The following NFASC variants were observed in gnomAD, a reference collection of about 807,000 sequenced individuals.
The protein encoded by NFASC is neurofascin.
In NFASC, 43 loss-of-function variants were observed where a neutral mutation model predicts 147.5. The observed-to-expected ratio is 0.29, with a 90% CI of 0.23 to 0.38. The LOEUF (loss-of-function observed/expected upper bound fraction) is 0.38. NFASC is among the 10% of genes least tolerant of loss of function. The pLI is 1.00. For missense variants in NFASC, 1,320 were observed against 1,689.0 expected (o/e 0.78, Z 3.83); for synonymous variants, 622 against 665.5 (o/e 0.93, Z 1.01).
At chr1:204,961,108 C>T (rs1308643714) in intron 8 of NFASC, among the ~76,000 whole-genome samples, 4 of 152,146 alleles carry the variant, frequency 2.6e-5, no homozygotes, top group Non-Finnish European at 4.4e-5. Flanking sequence ...TTAGTACTGT[C>T]ACAATTTGAA....
chr1:204,849,663 C>A (rs1394020555), intron 1 of NFASC, among the ~76,000 whole-genome samples: 3 of 152,196 alleles, frequency 2.0e-5, no homozygotes, highest in Non-Finnish European at 2.9e-5. Flanking sequence ...GAGCTAGAAC[C>A]AAACCCAGGT....
rs6657372 is a variant in NFASC at position 204,976,806 on chromosome 1, A to G, written c.1831+11A>G. 160,110 of 1,611,780 alleles carry G rather than the reference A, an allele frequency of 0.099. 9,015 individuals are homozygous for G. The highest frequency in any genetic ancestry group is 0.22 in the African/African-American group (16,315 of 74,928). ...ACCTCACCGTGCTAGGTAACTGCCC[A>G]TGCTCACCCTGGCACTGACCAGCCC... On this transcript the variant is annotated intron_variant, in intron 16 of 29. Transcript: ENST00000339876.
chr1:204,984,343 GTGTA>G, intron 21 of NFASC: 1 of 327,494 alleles, frequency 3.1e-6, no homozygotes. Flanking sequence ...GTGTGTGTGT[GTGTA>G]TATATATATA....
At chr1:204,854,936 A>C (rs991108296) in intron 1 of NFASC, among the ~76,000 whole-genome samples, 1 of 152,260 alleles carries the variant, frequency 6.6e-6, no homozygotes, top group Non-Finnish European at 1.5e-5. Flanking sequence ...CTCATCACGC[A>C]GTGATTGAGT....
Position 204,870,543 on chromosome 1 carries a change from C to G in NFASC, c.-200+41761C>G, listed in dbSNP as rs1419754394. The G allele has an allele frequency of 1.1e-5, 4 of 368,646 alleles. No homozygotes were observed. The East Asian group carries it at 6.3e-4, about 58-fold the overall frequency. The allele number at this position is 368,646 out of a possible 1,614,324, so 22.8% of individuals were successfully genotyped here. A position where few individuals can be genotyped will look rare whatever the true frequency, so the allele number is the denominator to read the frequency against. ...TCTTAACAGGGGGGTCTGCTCCCCA[C>G]CCCACCCCCGCCTTGGGGAGCCTGG... On this transcript the variant is annotated intron_variant, in intron 1 of 29. Transcript: ENST00000339876.
intron 2 of NFASC, among the ~76,000 whole-genome samples, chr1:204,933,393 A>C (rs1176319944): frequency 6.6e-6 from 1 of 152,144 alleles, no homozygotes; most frequent in Non-Finnish European, 1.5e-5. Context: ...TGTAAGGGCA[A>C]TTCCCAGGTG....
chr1:204,955,034 C>A, intron 7 of NFASC, 83 bp downstream of exon 7: 1 of 1,540,982 alleles, frequency 6.5e-7, no homozygotes, highest in Non-Finnish European at 8.9e-7. Context: ...GGGGCTTGCC[C>A]AAGCTAGAAG....
chr1:204,845,461 A>AT (rs1228954438), intron 1 of NFASC, among the ~76,000 whole-genome samples: 192 of 152,156 alleles, frequency 1.3e-3, no homozygotes, highest in African/African-American at 4.5e-3. Flanking sequence ...CCATCTCAAA[A>AT]AAATAATAAT....
intron 26 of NFASC, among the ~76,000 whole-genome samples, chr1:205,001,898 G>C (rs2095996146): frequency 6.6e-6 from 1 of 152,148 alleles, no homozygotes; most frequent in African/African-American, 2.4e-5. Flanking sequence ...TTCAGTATGT[G>C]CTCTAAGCAA....
chr1:204,913,096 C>T (rs539920831), intron 1 of NFASC, among the ~76,000 whole-genome samples: 1 of 151,864 alleles, frequency 6.6e-6, no homozygotes, highest in Non-Finnish European at 1.5e-5. Context: ...AATTAGTATG[C>T]AATAATTATT....
At chr1:204,850,789 C>A (rs7515134) in intron 1 of NFASC, among the ~76,000 whole-genome samples, 25,729 of 152,136 alleles carry the variant, frequency 0.17, 3,066 homozygotes, top group East Asian at 0.52. Flanking sequence ...TCATAAATCA[C>A]CTAGTCTCAG....
At position 204,942,616 on chromosome 1, in the gene NFASC, T is replaced by G. The variant is rs186069033; in HGVS notation, c.-90-1610T>G. ...ATCCCATAAATGCGTACAATTATTA[T>G]GTGTCAATTAAAAATAATAAAGTAA... On this transcript the variant is annotated intron_variant, in intron 2 of 29. Coordinates refer to ENST00000339876, the MANE Select transcript of NFASC (RefSeq NM_001005388.3). Among the ~76,000 whole-genome samples the G allele has an allele frequency of 3.6e-3, 550 of 152,100 alleles. 3 individuals are homozygous for G. Among genetic ancestry groups the G allele is most frequent in the African/African-American group, 0.012 (519 of 41,538 alleles).
rs776372925 is a variant in NFASC, at chr1:204,977,704, C to T, written c.1855C>T (p.Arg619Cys). The T allele has an allele frequency of 1.2e-6, 2 of 1,610,940 alleles. No individual in the cohort carries two copies. The highest frequency in any genetic ancestry group is 1.1e-5 in the South Asian group (1 of 90,876). The stretch of plus-strand genomic sequence containing the variant: ...AGCTGATCAGGCCACTCCAACTAAC[C>T]GTTTGGCTGCCCTGCCCAAAGGTAA... ...VLADQATPTNRLAALPKGRPD... is the reference protein window; with the variant it reads ...VLADQATPTNCLAALPKGRPD... Residue 619 changes from arginine (R) to cysteine (C), a missense_variant, in exon 17 of 30, where the codon CGT becomes TGT. This residue lies in a region of NFASC where 981 missense variants were observed against 1,289.5 expected (regional missense o/e 0.76). Coordinates refer to ENST00000339876, the MANE Select transcript of NFASC (RefSeq NM_001005388.3).
intron 3 of NFASC, among the ~76,000 whole-genome samples, chr1:204,947,871 C>T (rs892750620): frequency 3.3e-5 from 5 of 152,102 alleles, no homozygotes; most frequent in Non-Finnish European, 7.4e-5. Flanking sequence ...CATACATGCA[C>T]ATTCACACAT....
At chr1:204,961,719 C>T (rs187987881) in intron 8 of NFASC, among the ~76,000 whole-genome samples, 2 of 152,372 alleles carry the variant, frequency 1.3e-5, no homozygotes, top group African/African-American at 4.8e-5. Context: ...GACCCAGAGT[C>T]CTGGGAACTG....
intron 8 of NFASC, among the ~76,000 whole-genome samples, chr1:204,959,196 C>T (rs1392567622): frequency 6.6e-6 from 1 of 152,038 alleles, no homozygotes; most frequent in East Asian, 1.9e-4. Context: ...CTGCCCTCCT[C>T]TAATCATCGC....
intron 1 of NFASC, among the ~76,000 whole-genome samples, chr1:204,907,132 A>G (rs918566847): frequency 3.3e-5 from 5 of 152,184 alleles, no homozygotes; most frequent in African/African-American, 1.2e-4. Context: ...ACGTGGGATT[A>G]TGAGAAGTTT....
intron 25 of NFASC, chr1:204,997,614 C>T (rs1339806035): frequency 3.1e-6 from 2 of 637,038 alleles, no homozygotes; most frequent in Admixed American, 2.5e-5. Context: ...CTGGCCCTGA[C>T]ACACACACAC....
chr1:204,868,760 C>A (rs1223885677), intron 1 of NFASC, among the ~76,000 whole-genome samples: 1 of 152,202 alleles, frequency 6.6e-6, no homozygotes, highest in Admixed American at 6.5e-5. Context: ...GGGGCAGCTA[C>A]CCTCTGGGTC....
Sources: gnomAD v4.1 joint callset for allele counts (sites outside exome capture counted in the v4.1 genomes callset) on GRCh38, gnomAD v4.1.1 for gene constraint, gnomAD v4.1.1 regional missense constraint, MANE v1.5 for transcripts, NCBI Gene and HGNC (gene_info 2026-07-23, HGNC 2026-07-21) for gene names.